CDK18: variants seen among roughly 807,000 people sequenced by gnomAD.
CDK18 encodes the protein cyclin-dependent kinase 18.
In CDK18, 52 loss-of-function variants were observed where a neutral mutation model predicts 62.0. The ratio of observed to expected loss-of-function variants is 0.84; its 90% CI spans 0.67 to 1.06. The LOEUF is 1.06. Ranked by LOEUF, CDK18 falls within the 50% of genes least tolerant of loss-of-function variation. The probability of loss-of-function intolerance (pLI) is 0.00; values close to 1 mark genes in which losing one functional copy is unlikely to be tolerated. For synonymous variants in CDK18, 237 were observed against 247.0 expected (o/e 0.96, Z 0.38); for missense variants, 604 against 619.9 (o/e 0.97, Z 0.27).
At chr1:205,505,959 A>ACAC (rs1418429168) in intron 1 of CDK18, among the ~76,000 whole-genome samples, 1 of 152,038 alleles carries the variant, frequency 6.6e-6, no homozygotes, top group Non-Finnish European at 1.5e-5. Flanking sequence ...TGACTCACTA[A>ACAC]CACCACCGGC....
Position 205,515,262 on chromosome 1 carries a change from T to C in CDK18, c.-21-7885T>C, listed in dbSNP as rs186935446. On this transcript the variant is annotated intron_variant, in intron 1 of 15. Coordinates refer to ENST00000429964, the MANE Select transcript of CDK18 (RefSeq NM_212502.3). ...CGCCATTTCGGCTCACCGCAAACTC[T>C]GCCTCCTGGGTTCAAGCGATACTCC... Among the ~76,000 whole-genome samples the C allele has an allele frequency of 2.9e-3, 425 of 146,536 alleles. 2 individuals carry two copies. The highest frequency in any genetic ancestry group is 0.01 in the African/African-American group (400 of 39,520).
Position 205,527,742 on chromosome 1 carries a change from GCAGAGGCT to G in CDK18, c.730-48_730-41del. On this transcript the variant is annotated intron_variant, in intron 8 of 15. Coordinates refer to ENST00000429964, the MANE Select transcript of CDK18 (RefSeq NM_212502.3). The surrounding 1 kb of genome is among the most constrained non-coding windows in gnomAD (Gnocchi z 4.1). ...CCCCCATCCTGGTCCCAGCCTTGGA[GCAGAGGCT>G]CAGGGCCACCTTCCACCCCACATTT... 1 of 1,595,806 alleles carries G rather than the reference GCAGAGGCT, an allele frequency of 6.3e-7. No individual in the cohort carries two copies. Among genetic ancestry groups the G allele is most frequent in the Non-Finnish European group, 8.6e-7 (1 of 1,167,704 alleles).
intron 1 of CDK18, among the ~76,000 whole-genome samples, chr1:205,515,222 G>T (rs1667761349): frequency 7.3e-6 from 1 of 137,786 alleles, no homozygotes; most frequent in Non-Finnish European, 1.5e-5. Flanking sequence ...CAACACCCAG[G>T]CTGGAGTGCA....
At chr1:205,506,150 A>G (rs940912350) in intron 1 of CDK18, among the ~76,000 whole-genome samples, 5 of 152,188 alleles carry the variant, frequency 3.3e-5, no homozygotes, top group Non-Finnish European at 7.4e-5. Flanking sequence ...GGGCCTGGGA[A>G]AACGGTGCTG....
chr1:205,521,250 C>T (rs544705876), intron 1 of CDK18, among the ~76,000 whole-genome samples: 1 of 152,294 alleles, frequency 6.6e-6, no homozygotes, highest in South Asian at 2.1e-4. Context: ...CTTGCTCTGT[C>T]GCCCAGGCAG....
intron 1 of CDK18, among the ~76,000 whole-genome samples, chr1:205,519,722 T>C (rs1032107607): frequency 1.3e-5 from 2 of 152,042 alleles, no homozygotes; most frequent in African/African-American, 4.8e-5. Flanking sequence ...TGGTGGCTCC[T>C]TGCTCCTCAC....
At position 205,523,151 on chromosome 1, in the gene CDK18, C is replaced by T. The variant is rs111470961; in HGVS notation, c.-17C>T. 1.7e-4 allele frequency: 269 copies of T among 1,593,700 alleles called. 3 individuals carry two copies. In the African/African-American group the frequency reaches 2.7e-3, roughly 16 times the overall value. On this transcript the variant is annotated 5_prime_UTR_variant, in exon 2 of 16. Coordinates refer to ENST00000429964, the MANE Select transcript of CDK18 (RefSeq NM_212502.3). ...TTCTCACACTTCCCATCTCAGGACC[C>T]GGCTGCCCAGTCCCTCATGATCATG... is the stretch of plus-strand genomic sequence containing the variant.
chr1:205,507,529 G>A, intron 1 of CDK18, among the ~76,000 whole-genome samples: 1 of 151,372 alleles, frequency 6.6e-6, no homozygotes, highest in East Asian at 1.9e-4. Context: ...AGCTACTCGG[G>A]AGGCTGAGGC....
chr1:205,531,201 C>A, intron 15 of CDK18, 143 bp from the exon 16 acceptor site: 1 of 686,856 alleles, frequency 1.5e-6, no homozygotes. Flanking sequence ...TGGGATTTGA[C>A]ACCAGGTCAG....
chr1:205,525,600 A>G (rs946471891), intron 5 of CDK18, among the ~76,000 whole-genome samples: 4 of 152,106 alleles, frequency 2.6e-5, no homozygotes, highest in Admixed American at 1.3e-4. Context: ...GGTTATTGTG[A>G]GGATTGGGCA....
intron 1 of CDK18, among the ~76,000 whole-genome samples, chr1:205,507,051 G>A (rs1667341580): frequency 6.6e-6 from 1 of 152,228 alleles, no homozygotes; most frequent in Non-Finnish European, 1.5e-5. Flanking sequence ...ACACTGTAGG[G>A]CAGAGCCCGG....
intron 1 of CDK18, among the ~76,000 whole-genome samples, chr1:205,518,846 C>T (rs901338353): frequency 3.3e-5 from 5 of 152,190 alleles, no homozygotes; most frequent in South Asian, 2.1e-4. Context: ...GGTTCTGGGC[C>T]GGCTGCTGTG....
chr1:205,530,299 G>T lies in CDK18; in HGVS notation c.1262G>T (p.Ser421Ile). The T allele has an allele frequency of 6.2e-7, 1 of 1,613,380 alleles. No individual in the cohort carries two copies. Among genetic ancestry groups the T allele is most frequent in the Non-Finnish European group, 8.5e-7 (1 of 1,180,044 alleles). The change falls in exon 14 of 16, where the codon AGT (serine) becomes ATT (isoleucine). Residue 421 changes from serine to isoleucine, a missense_variant. Ser to Ile is a moderately radical substitution (Grantham distance 142). Coordinates refer to ENST00000429964, the MANE Select transcript of CDK18 (RefSeq NM_212502.3). ...KSRMSAEAAL[S>I]HSYFRSLGER... ...CGCATGTCAGCAGAGGCTGCCCTGA[G>T]TCACTCCTACTTCCGGTCTCTGGGA...
chr1:205,526,359 C>T lies in CDK18; in HGVS notation c.572-8C>T. The T allele has an allele frequency of 1.2e-6, 2 of 1,612,324 alleles. No homozygotes were observed. The highest frequency in any genetic ancestry group is 8.5e-7 in the Non-Finnish European group (1 of 1,178,312). ...CCTAGGGACCCAGGTGGATCTGTCT[C>T]CTCACAGTGTCTCTGCTGAAGAACC... On this transcript the variant is annotated splice_region_variant and splice_polypyrimidine_tract_variant and intron_variant, in intron 6 of 15. Transcript: ENST00000429964.
At position 205,523,249 on chromosome 1, in the gene CDK18, G is replaced by C. The variant is rs538929000; in HGVS notation, c.82G>C (p.Ala28Pro). 1 of 1,614,104 alleles carries C rather than the reference G, an allele frequency of 6.2e-7. No homozygotes were observed. The highest frequency in any genetic ancestry group is 8.5e-7 in the Non-Finnish European group (1 of 1,180,000). Residue 28 changes from alanine to proline, a missense_variant, in exon 2 of 16, where the codon GCT becomes CCT. Transcript: ENST00000429964. ...CACTGAGACCATTGAAGAATCCTTG[G>C]CTGAATTCACGGAGCAATTCAACCA... ...PRTETIEESL[A>P]EFTEQFNQLH...
intron 1 of CDK18, among the ~76,000 whole-genome samples, chr1:205,520,676 G>A (rs1668073659): frequency 6.6e-6 from 1 of 151,012 alleles, no homozygotes. Context: ...CTCCAGCTTG[G>A]GTGATAGAGC....
chr1:205,530,760 G>A (rs1049663771), intron 15 of CDK18, 55 bp downstream of exon 15: 13 of 1,465,848 alleles, frequency 8.9e-6, no homozygotes, highest in African/African-American at 8.3e-5. Flanking sequence ...GCCAGAGCAG[G>A]CGACCCCTCC....
Position 205,523,516 on chromosome 1 carries a change from C to T in CDK18, c.164C>T (p.Pro55Leu), listed in dbSNP as rs755913151. The T allele has an allele frequency of 1.1e-5, 17 of 1,605,666 alleles. No homozygotes were observed. In the South Asian group the frequency reaches 1.2e-4, roughly 12 times the overall value. ...LQLGPLGRDP[P>L]QECSTFSPTD... ...CTCGGTCCTCTTGGCAGAGACCCCCCGCAGGAGTGCAGCACCTTCTCCCCA... is the reference window on the plus strand; with the variant it reads ...CTCGGTCCTCTTGGCAGAGACCCCCTGCAGGAGTGCAGCACCTTCTCCCCA... Residue 55 changes from proline (P) to leucine (L), a missense_variant, in exon 3 of 16, where the codon CCG becomes CTG. Coordinates refer to ENST00000429964, the MANE Select transcript of CDK18 (RefSeq NM_212502.3).
intron 1 of CDK18, 147 bp from the exon 2 acceptor site, chr1:205,523,000 A>C (rs1668212777): frequency 2.4e-6 from 2 of 819,024 alleles, no homozygotes; most frequent in Admixed American, 5.8e-5. Context: ...GAGGGGTCAA[A>C]CTTTGCAGAA....
Sources: allele counts gnomAD v4.1 joint callset (sites outside exome capture counted in the v4.1 genomes callset), GRCh38; gene constraint gnomAD v4.1.1; non-coding constraint Gnocchi (gnomAD v3.1); transcripts MANE v1.5; gene names NCBI Gene and HGNC (gene_info 2026-07-23, HGNC 2026-07-21).